ERG: variants seen among roughly 807,000 people sequenced by gnomAD.
The protein encoded by ERG is transcriptional regulator ERG.
ERG carries 9 observed loss-of-function variants against 55.3 expected under a neutral mutation model. The observed-to-expected ratio is 0.16, with a 90% CI of 0.10 to 0.28. The LOEUF (loss-of-function observed/expected upper bound fraction) is 0.28. Ranked by LOEUF, ERG falls within the 10% of genes least tolerant of loss-of-function variation. The pLI is 1.00. For synonymous variants in ERG, 223 were observed against 237.3 expected (o/e 0.94, Z 0.55); for missense variants, 434 against 631.6 (o/e 0.69, Z 3.35).
chr21:38,626,896 G>A lies in ERG; in HGVS notation c.-150+34762C>T, dbSNP rs181620840. 3.0e-3 allele frequency among the ~76,000 whole-genome samples: 449 copies of A among 152,048 alleles called. 5 individuals are homozygous for A. Among genetic ancestry groups the A allele is most frequent in the African/African-American group, 0.01 (432 of 41,484 alleles). ...GAAGAAATGAAAGCCAAAAAATTTT[G>A]TATTCATTTTACTTGAAAGTATAAT... On this transcript the variant is annotated intron_variant, in intron 1 of 10. Transcript: ENST00000398910.
intron 1 of ERG, among the ~76,000 whole-genome samples, chr21:38,636,010 T>A (rs2060385916): frequency 6.6e-6 from 1 of 152,212 alleles, no homozygotes; most frequent in South Asian, 2.1e-4. Context: ...TCTCCATGTG[T>A]CATGGGAGGG....
chr21:38,429,849 A>T (rs1990122804), intron 2 of ERG, among the ~76,000 whole-genome samples: 2 of 152,142 alleles, frequency 1.3e-5, no homozygotes, highest in South Asian at 4.1e-4. Context: ...TGCTATAAAC[A>T]TGCATGCGCA....
intron 1 of ERG, among the ~76,000 whole-genome samples, chr21:38,497,232 T>C (rs772948049): frequency 1.3e-5 from 2 of 152,268 alleles, no homozygotes; most frequent in Non-Finnish European, 2.9e-5. Context: ...TTTCAAATTA[T>C]GAAAATACCA....
intron 2 of ERG, 67 bp from the exon 3 acceptor site, chr21:38,423,628 C>A (rs1989657621): frequency 1.3e-6 from 2 of 1,499,514 alleles, no homozygotes. Context: ...CGACTTCTCA[C>A]AATACACAGA....
At chr21:38,655,708 G>A (rs1044657533) in intron 1 of ERG, among the ~76,000 whole-genome samples, 27 of 152,312 alleles carry the variant, frequency 1.8e-4, no homozygotes, top group African/African-American at 6.0e-4. Context: ...CACTGTCACT[G>A]TAACCATGAA....
intron 2 of ERG, among the ~76,000 whole-genome samples, chr21:38,427,916 G>A (rs1020889884): frequency 2.0e-5 from 3 of 152,210 alleles, no homozygotes; most frequent in African/African-American, 7.2e-5. Flanking sequence ...GCCAGGCACA[G>A]TGGCTCACGC....
chr21:38,393,043 G>A (rs1450548862), intron 6 of ERG, among the ~76,000 whole-genome samples: 1 of 152,034 alleles, frequency 6.6e-6, no homozygotes, highest in Non-Finnish European at 1.5e-5. Context: ...ATAGGCAAAT[G>A]TCTCCCATTT....
At chr21:38,645,458 G>A (rs2060450250) in intron 1 of ERG, among the ~76,000 whole-genome samples, 1 of 152,170 alleles carries the variant, frequency 6.6e-6, no homozygotes, top group South Asian at 2.1e-4. Flanking sequence ...TGTGAAACGA[G>A]TCATATTTCA....
At chr21:38,654,119 T>C (rs541508193) in intron 1 of ERG, among the ~76,000 whole-genome samples, 7 of 152,380 alleles carry the variant, frequency 4.6e-5, no homozygotes, top group African/African-American at 1.7e-4. Context: ...TAGAAAACTG[T>C]AAAAATATAT....
chr21:38,650,361 G>A (rs2060481330), intron 1 of ERG, among the ~76,000 whole-genome samples: 1 of 152,174 alleles, frequency 6.6e-6, no homozygotes, highest in Non-Finnish European at 1.5e-5. Context: ...CATAGGCTGG[G>A]CACGGTGGCT....
chr21:38,426,370 T>C (rs1989823988), intron 2 of ERG, among the ~76,000 whole-genome samples: 2 of 152,230 alleles, frequency 1.3e-5, no homozygotes, highest in South Asian at 4.1e-4. Flanking sequence ...GTATATGTTT[T>C]GGTATATTTG....
chr21:38,459,558 A>G (rs1184267445), intron 1 of ERG, among the ~76,000 whole-genome samples: 1 of 152,180 alleles, frequency 6.6e-6, no homozygotes, highest in African/African-American at 2.4e-5. Flanking sequence ...TTCTGTACCT[A>G]TGTAGCCATT....
At chr21:38,510,154 A>G (rs1214670036) in intron 2 of ERG, among the ~76,000 whole-genome samples, 1 of 152,232 alleles carries the variant, frequency 6.6e-6, no homozygotes, top group Admixed American at 6.5e-5. Context: ...ATTCTCCCCA[A>G]ACATCTAAAA....
chr21:38,578,774 C>T (rs2060010535), intron 1 of ERG, among the ~76,000 whole-genome samples: 1 of 152,292 alleles, frequency 6.6e-6, no homozygotes, highest in Admixed American at 6.5e-5. Context: ...CCCACAGGCT[C>T]ATGGCTGAAT....
At chr21:38,564,211 G>T (rs374109784) in intron 2 of ERG, among the ~76,000 whole-genome samples, 4 of 152,200 alleles carry the variant, frequency 2.6e-5, no homozygotes, top group East Asian at 1.9e-4. Flanking sequence ...TTGTCGGTGG[G>T]TTTTACGATA....
chr21:38,630,861 G>C (rs1402110457), intron 1 of ERG, among the ~76,000 whole-genome samples: 1 of 152,194 alleles, frequency 6.6e-6, no homozygotes, highest in African/African-American at 2.4e-5. Context: ...AGACCTCATA[G>C]GGATGTGAGC....
intron 1 of ERG, among the ~76,000 whole-genome samples, chr21:38,649,049 C>T (rs1233210197): frequency 3.3e-5 from 5 of 152,162 alleles, no homozygotes; most frequent in Non-Finnish European, 7.3e-5. Flanking sequence ...TCCACCCACA[C>T]ATCTCTATAA....
intron 3 of ERG, among the ~76,000 whole-genome samples, chr21:38,417,087 A>G (rs1321767047): frequency 1.3e-5 from 2 of 152,186 alleles, no homozygotes; most frequent in Non-Finnish European, 2.9e-5. Context: ...TACTTACCCC[A>G]CATGGGTGGG....
chr21:38,378,727 C>CTCGT (rs1987308258), downstream of ERG, among the ~76,000 whole-genome samples: 2 of 152,298 alleles, frequency 1.3e-5, no homozygotes, highest in South Asian at 4.1e-4. Flanking sequence ...CAAATAAGTC[C>CTCGT]TCGTTTGTGA....
Sources: gnomAD v4.1 joint callset for allele counts (sites outside exome capture counted in the v4.1 genomes callset) on GRCh38, gnomAD v4.1.1 for gene constraint, MANE v1.5 for transcripts, NCBI Gene and HGNC (gene_info 2026-07-23, HGNC 2026-07-21) for gene names.